Variants in CCDC192 observed in about 807,000 individuals in gnomAD.
CCDC192 encodes coiled-coil domain containing 192.
At chr5:127,810,469 A>G (rs1426951569) in intron 5 of CCDC192, among the ~76,000 whole-genome samples, 1 of 152,196 alleles carries the variant, frequency 6.6e-6, no homozygotes, top group East Asian at 1.9e-4. Context: ...GAATGCTAAA[A>G]AGGGTAGTCT....
intron 6 of CCDC192, among the ~76,000 whole-genome samples, chr5:127,901,410 A>T (rs1753034721): frequency 6.6e-6 from 1 of 152,066 alleles, no homozygotes; most frequent in African/African-American, 2.4e-5. Flanking sequence ...ATTTGTATAT[A>T]TAAGGGGGAG....
intron 5 of CCDC192, among the ~76,000 whole-genome samples, chr5:127,803,775 T>C (rs1757633830): frequency 6.6e-6 from 1 of 152,146 alleles, no homozygotes; most frequent in South Asian, 2.1e-4. Flanking sequence ...TAATATTCAA[T>C]GGGTTTATTT....
chr5:127,873,459 C>T (rs1440862800), intron 5 of CCDC192, among the ~76,000 whole-genome samples: 8 of 152,172 alleles, frequency 5.3e-5, no homozygotes, highest in Non-Finnish European at 1.0e-4. Context: ...TTACTATCTT[C>T]GGTTTAACAC....
At chr5:127,818,467 A>C (rs1749131254) in intron 5 of CCDC192, among the ~76,000 whole-genome samples, 1 of 152,134 alleles carries the variant, frequency 6.6e-6, no homozygotes, top group Admixed American at 6.6e-5. Context: ...GACTTTTAAC[A>C]TTTCCTCAAG....
intron 2 of CCDC192, among the ~76,000 whole-genome samples, chr5:127,745,158 G>C (rs910464138): frequency 1.3e-5 from 2 of 152,134 alleles, no homozygotes; most frequent in Admixed American, 6.6e-5. Flanking sequence ...CTGCAGACAG[G>C]AATCTTTCTA....
intron 2 of CCDC192, among the ~76,000 whole-genome samples, chr5:127,725,412 A>G (rs187146797): frequency 2.3e-4 from 35 of 152,332 alleles, no homozygotes; most frequent in Middle Eastern, 3.4e-3. Flanking sequence ...GTAATTAAGA[A>G]GTTTCTAGTA....
chr5:127,702,655 G>A (rs553592686), upstream of CCDC192, among the ~76,000 whole-genome samples: 75 of 152,302 alleles, frequency 4.9e-4, no homozygotes, highest in African/African-American at 1.8e-3. Flanking sequence ...CGTGTGACTA[G>A]ATTGGGTGAG....
rs1752320654 is a variant in CCDC192 at position 127,880,768 on chromosome 5, T to C, written c.535+5107T>C. On this transcript the variant is annotated intron_variant, in intron 6 of 6. Coordinates refer to ENST00000514853, the MANE Select transcript of CCDC192 (RefSeq NM_001317938.2). The stretch of plus-strand genomic sequence containing the variant: ...GCAGAGGTGGATGGATCGCCTGAGA[T>C]CAGGAGTTCGAGACCAGCCTGGCTA... 2.6e-5 allele frequency among the ~76,000 whole-genome samples: 4 copies of C among 152,024 alleles called. No individual in the cohort carries two copies. The South Asian group carries it at 8.3e-4, about 32-fold the overall frequency.
At position 127,735,095 on chromosome 5, in the gene CCDC192, G is replaced by C. The variant is rs1179969251; in HGVS notation, c.115-19173G>C. On this transcript the variant is annotated intron_variant, in intron 2 of 6. Coordinates refer to ENST00000514853, the MANE Select transcript of CCDC192 (RefSeq NM_001317938.2). ...TTAAGTCTTTAATCCATCTTGAATTGATTTTTGTATAAGGTGTAAGGAAGG... is the reference window on the plus strand; with the variant it reads ...TTAAGTCTTTAATCCATCTTGAATTCATTTTTGTATAAGGTGTAAGGAAGG... Among the ~76,000 whole-genome samples the C allele has an allele frequency of 6.0e-3, 763 of 126,488 alleles. 15 individuals carry two copies. Among genetic ancestry groups the C allele is most frequent in the African/African-American group, 0.023 (717 of 31,232 alleles). 83.0% of individuals were successfully genotyped at this position (126,488 alleles called of 152,430 possible). A position where few individuals can be genotyped will look rare whatever the true frequency, so the allele number is the denominator to read the frequency against.
At chr5:127,888,385 C>T (rs1349586191) in intron 6 of CCDC192, among the ~76,000 whole-genome samples, 2 of 151,720 alleles carry the variant, frequency 1.3e-5, no homozygotes, top group African/African-American at 2.4e-5. Context: ...CACTGCACTC[C>T]AGCCTTGACA....
intron 5 of CCDC192, among the ~76,000 whole-genome samples, chr5:127,860,025 G>T (rs1341273234): frequency 6.6e-6 from 1 of 151,906 alleles, no homozygotes; most frequent in African/African-American, 2.4e-5. Context: ...TTCCTAACCT[G>T]CCTAACTTCT....
At position 127,937,737 on chromosome 5, in the gene CCDC192, G is replaced by A. The variant is rs184268866; in HGVS notation, c.536-3445G>A. On this transcript the variant is annotated intron_variant, in intron 6 of 6. Transcript: ENST00000514853. ...GAAGGGCGATGTGGTCCTAGTGACCGTGACTGCCTATGCAATGCCGCTTCG... is the reference window on the plus strand; with the variant it reads ...GAAGGGCGATGTGGTCCTAGTGACCATGACTGCCTATGCAATGCCGCTTCG... Among the ~76,000 whole-genome samples, 7 of 152,316 alleles carry A rather than the reference G, an allele frequency of 4.6e-5. No individual in the cohort carries two copies. The East Asian group carries it at 9.6e-4, about 21-fold the overall frequency.
intron 3 of CCDC192, among the ~76,000 whole-genome samples, chr5:127,761,843 C>G (rs1446248076): frequency 6.6e-6 from 1 of 152,154 alleles, no homozygotes; most frequent in African/African-American, 2.4e-5. Flanking sequence ...TTATGTTTGA[C>G]TCTAATCAGC....
At chr5:127,746,315 GC>G (rs1452509759) in intron 2 of CCDC192, among the ~76,000 whole-genome samples, 3 of 152,118 alleles carry the variant, frequency 2.0e-5, no homozygotes, top group Non-Finnish European at 4.4e-5. Flanking sequence ...GACTTATATT[GC>G]TTTTGTCTTA....
At chr5:127,931,304 T>G (rs1170011317) in intron 6 of CCDC192, among the ~76,000 whole-genome samples, 3 of 152,218 alleles carry the variant, frequency 2.0e-5, no homozygotes. Flanking sequence ...AACAAACCCC[T>G]GAACACTCAT....
At chr5:127,723,868 C>T (rs1424501312) in intron 2 of CCDC192, among the ~76,000 whole-genome samples, 1 of 152,052 alleles carries the variant, frequency 6.6e-6, no homozygotes, top group Non-Finnish European at 1.5e-5. Context: ...AAATAATAGC[C>T]CCAGGTCTTC....
chr5:127,792,040 G>C (rs1756895010), intron 3 of CCDC192, among the ~76,000 whole-genome samples: 1 of 151,594 alleles, frequency 6.6e-6, no homozygotes, highest in South Asian at 2.1e-4. Context: ...TGCTGGGTGT[G>C]GTGGCTTATG....
chr5:127,925,808 A>G (rs1286323075), intron 6 of CCDC192, among the ~76,000 whole-genome samples: 1 of 152,182 alleles, frequency 6.6e-6, no homozygotes, highest in Non-Finnish European at 1.5e-5. Context: ...TCCCCTTGGC[A>G]TCTTCTGAAC....
At chr5:127,798,270 A>G (rs572554456) in intron 5 of CCDC192, 108 bp downstream of exon 5, 4 of 393,208 alleles carry the variant, frequency 1.0e-5, no homozygotes, top group Admixed American at 8.8e-5. Flanking sequence ...GAGCAAACCA[A>G]ATCACAAGGC....
Sources: allele counts gnomAD v4.1 joint callset (sites outside exome capture counted in the v4.1 genomes callset), GRCh38; gene constraint gnomAD v4.1.1; transcripts MANE v1.5; gene names NCBI Gene and HGNC (gene_info 2026-07-23, HGNC 2026-07-21).